The following MTFR1 variants were observed in gnomAD, a reference collection of about 807,000 sequenced individuals.
MTFR1 encodes the protein chondrocyte protein with a poly-proline region.
Under a neutral mutation model 38.8 loss-of-function variants are expected in MTFR1, and 28 were observed. The observed-to-expected ratio is 0.72, with a 90% CI of 0.53 to 0.99. The LOEUF (loss-of-function observed/expected upper bound fraction) is 0.99, where lower values mean the gene tolerates loss of function less well. Ranked by LOEUF, MTFR1 falls within the 50% of genes least tolerant of loss-of-function variation. The probability of loss-of-function intolerance (pLI) is 0.00; values close to 1 mark genes in which losing one functional copy is unlikely to be tolerated. For synonymous variants in MTFR1, 145 were observed against 137.0 expected (o/e 1.06, Z -0.41); for missense variants, 358 against 395.5 (o/e 0.91, Z 0.81).
At chr8:65,718,090 A>C (rs1243135778) in intron 2 of MTFR1, 1 of 152,230 alleles carries the variant, frequency 6.6e-6, no homozygotes, top group Non-Finnish European at 1.5e-5. Context: ...CAAAACAAGA[A>C]GTTTGGTCAC....
intron 4 of MTFR1, among the ~76,000 whole-genome samples, chr8:65,694,272 G>A (rs1238211088): frequency 2.6e-5 from 4 of 151,464 alleles, no homozygotes; most frequent in African/African-American, 4.9e-5. Flanking sequence ...ATGGGGTTTC[G>A]CCATGTTAGC....
At chr8:65,662,836 C>T (rs1021740349) in intron 1 of MTFR1, among the ~76,000 whole-genome samples, 2 of 151,344 alleles carry the variant, frequency 1.3e-5, no homozygotes, top group African/African-American at 4.9e-5. Flanking sequence ...GCCCGGCCAT[C>T]CACCTCGTCC....
intron 3 of MTFR1, among the ~76,000 whole-genome samples, chr8:65,755,466 A>T (rs916939668): frequency 6.6e-6 from 1 of 152,244 alleles, no homozygotes; most frequent in African/African-American, 2.4e-5. Flanking sequence ...AAACTTATAA[A>T]GACCTAGTTT....
At chr8:65,653,294 G>A (rs549398750) in intron 1 of MTFR1, among the ~76,000 whole-genome samples, 2 of 151,846 alleles carry the variant, frequency 1.3e-5, no homozygotes, top group South Asian at 2.1e-4. Context: ...GGATCACCTC[G>A]ATCACCAGGC....
At chr8:65,675,085 G>A (rs1804673838) in intron 2 of MTFR1, among the ~76,000 whole-genome samples, 1 of 152,088 alleles carries the variant, frequency 6.6e-6, no homozygotes, top group Non-Finnish European at 1.5e-5. Flanking sequence ...AAGGTTAGCA[G>A]TTCGAGACCA....
At position 65,748,730 on chromosome 8, in the gene MTFR1, T is replaced by C. The variant is rs555039382; in HGVS notation, c.*49-22217T>C. Among the ~76,000 whole-genome samples, 17 of 152,322 alleles carry C rather than the reference T, an allele frequency of 1.1e-4. No individual in the cohort carries two copies. The East Asian group carries it at 3.3e-3, about 29-fold the overall frequency. On this transcript the variant is annotated intron_variant, in intron 3 of 3. Coordinates refer to the MTFR1 transcript ENST00000521247. ...GCATATCCAGTCACTCACTCCTCTA[T>C]TAACCTCTAGCCCTGTGTTTCCTTA...
intron 3 of MTFR1, among the ~76,000 whole-genome samples, chr8:65,763,153 A>C (rs2128915595): frequency 6.6e-6 from 1 of 152,222 alleles, no homozygotes; most frequent in Non-Finnish European, 1.5e-5. Context: ...TCCCAAAAGA[A>C]TTGCTTAAGG....
chr8:65,724,943 G>A (rs772092715), intron 3 of MTFR1: 1 of 1,534,818 alleles, frequency 6.5e-7, no homozygotes, highest in Admixed American at 1.9e-5. Flanking sequence ...GAAATATAAA[G>A]AGAAAATATA....
At chr8:65,704,281 G>A (rs1805713202) in intron 4 of MTFR1, among the ~76,000 whole-genome samples, 1 of 151,918 alleles carries the variant, frequency 6.6e-6, no homozygotes, top group South Asian at 2.1e-4. Flanking sequence ...AGTAAAAAAA[G>A]CAAAAAGATA....
intron 3 of MTFR1, among the ~76,000 whole-genome samples, chr8:65,767,897 G>A (rs1197145946): frequency 6.6e-6 from 1 of 152,174 alleles, no homozygotes; most frequent in Admixed American, 6.5e-5. Flanking sequence ...AGAGGGTCCT[G>A]GGAACCGCAA....
chr8:65,660,351 C>T (rs1809378365), intron 1 of MTFR1, among the ~76,000 whole-genome samples: 1 of 147,890 alleles, frequency 6.8e-6, no homozygotes. Context: ...TTTTATATAT[C>T]AACTGGACTG....
At chr8:65,701,135 C>T (rs1805603120) in intron 4 of MTFR1, among the ~76,000 whole-genome samples, 1 of 152,172 alleles carries the variant, frequency 6.6e-6, no homozygotes, top group Non-Finnish European at 1.5e-5. Flanking sequence ...AAAATTTCTT[C>T]CTCTTTCTCT....
At chr8:65,704,370 GCTT>G (rs1400953398) in intron 4 of MTFR1, among the ~76,000 whole-genome samples, 4 of 152,186 alleles carry the variant, frequency 2.6e-5, no homozygotes, top group Non-Finnish European at 5.9e-5. Context: ...GGCATAAAAA[GCTT>G]CTTCTTAGTT....
intron 3 of MTFR1, among the ~76,000 whole-genome samples, chr8:65,732,549 A>T (rs532400452): frequency 6.6e-6 from 1 of 152,306 alleles, no homozygotes; most frequent in African/African-American, 2.4e-5. Flanking sequence ...ATCTAAAGAT[A>T]GGTTGTCACC....
At chr8:65,684,121 T>G (rs968999092) in intron 3 of MTFR1, among the ~76,000 whole-genome samples, 2 of 152,212 alleles carry the variant, frequency 1.3e-5, no homozygotes, top group Non-Finnish European at 2.9e-5. Context: ...AACCCCCAGG[T>G]CTGCCTTGAC....
intron 3 of MTFR1, among the ~76,000 whole-genome samples, chr8:65,743,724 G>A (rs1356504304): frequency 1.3e-5 from 2 of 152,138 alleles, no homozygotes; most frequent in African/African-American, 4.8e-5. Flanking sequence ...TCATTCCAAA[G>A]CAATAAGAAA....
chr8:65,747,974 A>C (rs983183865), intron 3 of MTFR1, among the ~76,000 whole-genome samples: 1 of 152,148 alleles, frequency 6.6e-6, no homozygotes, highest in Non-Finnish European at 1.5e-5. Context: ...TTATTTTTTT[A>C]AGTGAGTTCT....
chr8:65,743,078 T>G (rs1807513491), intron 3 of MTFR1, among the ~76,000 whole-genome samples: 1 of 152,234 alleles, frequency 6.6e-6, no homozygotes, highest in African/African-American at 2.4e-5. Flanking sequence ...AATCAACTAT[T>G]TCAATGAGTG....
chr8:65,646,352 TC>T lies in MTFR1; in HGVS notation c.-81+1569del, dbSNP rs1316606216. Among the ~76,000 whole-genome samples, 4 of 152,212 alleles carry T rather than the reference TC, an allele frequency of 2.6e-5. No individual in the cohort carries two copies. In the East Asian group the frequency reaches 7.7e-4, roughly 29 times the overall value. ...CTCTTGGCCTTTGTCATTGCAAAGT[TC>T]TTGCTCTTTTAACTGTAACAATGTC... On this transcript the variant is annotated intron_variant, in intron 1 of 7. Coordinates refer to ENST00000262146, the MANE Select transcript of MTFR1 (RefSeq NM_014637.4).
Sources: allele counts gnomAD v4.1 joint callset (sites outside exome capture counted in the v4.1 genomes callset), GRCh38; gene constraint gnomAD v4.1.1; transcripts MANE v1.5; gene names NCBI Gene and HGNC (gene_info 2026-07-23, HGNC 2026-07-21).